Variants in MXRA5 observed in about 807,000 individuals in gnomAD.
MXRA5 encodes the protein matrix-remodeling-associated protein 5.
In MXRA5, 41 loss-of-function variants were observed where a neutral mutation model predicts 112.5. The observed-to-expected ratio is 0.36, with a 90% CI of 0.28 to 0.47. The LOEUF is 0.47. Among genes scored for constraint, MXRA5 ranks in the 20% least tolerant of loss-of-function variants. The pLI, the probability that MXRA5 is intolerant of heterozygous loss-of-function variation, is 0.99. For missense variants in MXRA5, 2,150 were observed against 2,251.0 expected (o/e 0.96, Z 0.91); for synonymous variants, 862 against 900.8 (o/e 0.96, Z 0.77).
At chrX:3,333,312 A>AAAAAAAAAAAAAAAAAAAAAAAAAT (rs1921712307) in intron 2 of MXRA5, among the ~76,000 whole-genome samples, 1 of 98,073 alleles carries the variant, frequency 1.0e-5, no homozygotes, top group African/African-American at 3.6e-5. Context: ...CAAAAAAAAA[A>AAAAAAAAAAAAAAAAAAAAAAAAAT]AAAAAAAAAA....
Position 3,321,635 on chromosome X carries a change from A to G in MXRA5, c.4050T>C (p.Asn1350=). The G allele has an allele frequency of 8.3e-7, 1 of 1,211,494 alleles. No homozygotes were observed. Among genetic ancestry groups the G allele is most frequent in the Non-Finnish European group, 1.1e-6 (1 of 895,263 alleles). The change falls in exon 5 of 7, where the codon AAT becomes AAC. Residue 1350 remains asparagine, a synonymous_variant. Transcript: ENST00000217939. ...DILVTGESIT[N]AIPTSRSLVS... ...CCAAGGAGCGAGAAGTTGGTATGGC[A>G]TTAGTAATTGATTCACCAGTGACTA...
intron 6 of MXRA5, among the ~76,000 whole-genome samples, chrX:3,316,012 T>TAACAAAATTTCATCC (rs1569181494): frequency 1.4e-4 from 12 of 82,890 alleles, no homozygotes; most frequent in East Asian, 7.6e-4. Context: ...GTTAAGAAGT[T>TAACAAAATTTCATCC]GAGTATTTGT....
rs1382368439 is a variant in MXRA5 at position 3,324,264 on chromosome X, C to T, written c.1421G>A (p.Arg474Lys). ...STKDTRQARG[R>K]SWVMIEPSGA... ...ACTAGGCTCAATCATTACCCAGCTT[C>T]TGCCCCGAGCCTGCCTTGTATCTTT... The change falls in exon 5 of 7, where the codon AGA becomes AAA. Residue 474 changes from arginine (R) to lysine (K), a missense_variant. By Grantham distance (26) the Arg-to-Lys change is conservative. Transcript: ENST00000217939. The T allele has an allele frequency of 8.3e-7, 1 of 1,209,998 alleles. No homozygotes were observed. Among genetic ancestry groups the T allele is most frequent in the Admixed American group, 2.2e-5 (1 of 45,716 alleles).
At position 3,322,041 on chromosome X, in the gene MXRA5, T is replaced by G; in HGVS notation, c.3644A>C (p.Gln1215Pro). 8.3e-7 allele frequency: 1 copy of G among 1,211,284 alleles called. No individual in the cohort carries two copies. Among genetic ancestry groups the G allele is most frequent in the African/African-American group, 1.7e-5 (1 of 57,703 alleles). Residue 1215 changes from glutamine (Q) to proline (P), a missense_variant, in exon 5 of 7, where the codon CAG becomes CCG. Gln to Pro is a moderately conservative substitution (Grantham distance 76). This residue lies in a region of MXRA5 where 1,485 missense variants were observed against 1,471.6 expected (regional missense o/e 1.01). Coordinates refer to ENST00000217939, the MANE Select transcript of MXRA5 (RefSeq NM_015419.4). The stretch of plus-strand genomic sequence containing the variant: ...TTCTGCATTCTTCTCCATTTCCAAC[T>G]GTTTGGGGGTATTAACTGTGTTATC... Reference protein sequence around the residue: ...WVDNTVNTPKQLEMEKNAEPT... With the variant: ...WVDNTVNTPKPLEMEKNAEPT...
In MXRA5 at chrX:3,311,461, T is replaced by C; in HGVS notation, c.6742A>G (p.Lys2248Glu). The change falls in exon 7 of 7, where the codon AAG becomes GAG. Residue 2248 changes from lysine to glutamate, a missense_variant. Physicochemically the swap from Lys to Glu is moderately conservative, Grantham distance 56. Transcript: ENST00000217939. ...AAGACTTTGTGGTCGTTCTCCTCCT[T>C]GTGTTCAATCTTGGCCGGTTTCATC... is the stretch of plus-strand genomic sequence containing the variant. ...VVMKPAKIEHKEENDHKVFYG... is the reference protein window; with the variant it reads ...VVMKPAKIEHEEENDHKVFYG... 3.3e-6 allele frequency: 4 copies of C among 1,211,751 alleles called. No individual in the cohort carries two copies. The highest frequency in any genetic ancestry group is 4.5e-6 in the Non-Finnish European group (4 of 895,573).
chrX:3,319,924 T>C, intron 5 of MXRA5, 84 bp downstream of exon 5: 2 of 728,023 alleles, frequency 2.7e-6, no homozygotes, highest in Non-Finnish European at 4.0e-6. Context: ...TTGTTCACCA[T>C]ATACTGTTTT....
chrX:3,321,126 T>A lies in MXRA5; in HGVS notation c.4559A>T (p.Gln1520Leu), dbSNP rs1003763493. The A allele has an allele frequency of 8.3e-7, 1 of 1,202,368 alleles. No individual in the cohort carries two copies. The highest frequency in any genetic ancestry group is 1.1e-6 in the Non-Finnish European group (1 of 887,180). ...KPALPSPRIS[Q>L]ASRDSKENVF... ...ATTTTCCTTGGAATCTCTAGATGCTTGAGATATTCTTGGACTGGGAAGTGC... is the reference window on the plus strand; with the variant it reads ...ATTTTCCTTGGAATCTCTAGATGCTAGAGATATTCTTGGACTGGGAAGTGC... The change falls in exon 5 of 7, where the codon CAA becomes CTA. Residue 1520 changes from glutamine to leucine, a missense_variant. By Grantham distance (113) the Gln-to-Leu change is moderately radical. Coordinates refer to ENST00000217939, the MANE Select transcript of MXRA5 (RefSeq NM_015419.4).
chrX:3,341,255 A>G (rs1340922573), intron 2 of MXRA5, among the ~76,000 whole-genome samples: 1 of 47,360 alleles, frequency 2.1e-5, no homozygotes, highest in Non-Finnish European at 3.5e-5. Flanking sequence ...TATATATAAT[A>G]TATAATAGAA....
At chrX:3,315,315 AGAT>A (rs1159504453) in intron 6 of MXRA5, among the ~76,000 whole-genome samples, 2 of 105,143 alleles carry the variant, frequency 1.9e-5, no homozygotes, top group Admixed American at 1.0e-4. Flanking sequence ...AAAGACAGAC[AGAT>A]GATAGATAGA....
At chrX:3,338,555 T>C (rs1289907872) in intron 2 of MXRA5, among the ~76,000 whole-genome samples, 2 of 110,946 alleles carry the variant, frequency 1.8e-5, no homozygotes, top group African/African-American at 6.6e-5. Flanking sequence ...TAGAGATAGA[T>C]TGATTGATAG....
chrX:3,319,765 G>C (rs1452875613), intron 5 of MXRA5, among the ~76,000 whole-genome samples: 42 of 111,278 alleles, frequency 3.8e-4, no homozygotes, highest in African/African-American at 1.3e-3. Context: ...CCAGACCTCA[G>C]CATCACACAA....
chrX:3,325,121 T>C, intron 4 of MXRA5, 146 bp from the exon 5 acceptor site: 1 of 671,461 alleles, frequency 1.5e-6, no homozygotes, highest in Non-Finnish European at 2.0e-6. Context: ...GAGTTGCCTT[T>C]GAGGCTTCAT....
chrX:3,320,940 C>T lies in MXRA5; in HGVS notation c.4745G>A (p.Gly1582Asp), dbSNP rs868565834. The T allele has an allele frequency of 1.7e-6, 2 of 1,211,796 alleles. No homozygotes were observed. Among genetic ancestry groups the T allele is most frequent in the Non-Finnish European group, 2.2e-6 (2 of 895,540 alleles). ...TKLELEKQVF[G>D]SRSLPRGPDS... ...TGGGCCACGTGGTAGACTCCTACTACCAAATACTTGCTTTTCCAATTCCAG... is the reference window on the plus strand; with the variant it reads ...TGGGCCACGTGGTAGACTCCTACTATCAAATACTTGCTTTTCCAATTCCAG... Residue 1582 changes from glycine to aspartate, a missense_variant, in exon 5 of 7, where the codon GGT (glycine) becomes GAT (aspartate). Gly to Asp is a moderately conservative substitution (Grantham distance 94). This residue lies in a region of MXRA5 where 1,485 missense variants were observed against 1,471.6 expected (regional missense o/e 1.01). Transcript: ENST00000217939.
chrX:3,331,452 T>C (rs1440162653), intron 2 of MXRA5, among the ~76,000 whole-genome samples: 1 of 111,817 alleles, frequency 8.9e-6, no homozygotes, highest in African/African-American at 3.3e-5. Flanking sequence ...GGAAACTCTG[T>C]GCTGAAGTGA....
In MXRA5 at chrX:3,322,279, C is replaced by G; in HGVS notation, c.3406G>C (p.Val1136Leu). ...TTATTTPRQK[V>L]APSSTMSTHP... The stretch of plus-strand genomic sequence containing the variant: ...GTGCTCATGGTGGATGACGGAGCAA[C>G]TTTTTGCCTTGGTGTTGTTGTTGCT... The change falls in exon 5 of 7, where the codon GTT (valine) becomes CTT (leucine). Residue 1136 changes from valine (V) to leucine (L), a missense_variant. Around this residue, in one of 6 missense-constraint regions of MXRA5, gnomAD observed 1,485 missense variants for 1,471.6 expected, o/e 1.01. Coordinates refer to ENST00000217939, the MANE Select transcript of MXRA5 (RefSeq NM_015419.4). The G allele has an allele frequency of 8.3e-7, 1 of 1,206,736 alleles. No individual in the cohort carries two copies. Among genetic ancestry groups the G allele is most frequent in the Non-Finnish European group, 1.1e-6 (1 of 892,403 alleles).
At position 3,321,327 on chromosome X, in the gene MXRA5, C is replaced by T. The variant is rs2146921356; in HGVS notation, c.4358G>A (p.Ser1453Asn). 2 of 1,211,632 alleles carry T rather than the reference C, an allele frequency of 1.7e-6. No individual in the cohort carries two copies. Among genetic ancestry groups the T allele is most frequent in the East Asian group, 3.0e-5 (1 of 33,831 alleles). ...LSSIKVEVAS[S>N]QAETTTLDQD... ...ATCAAGGGTGGTGGTTTCTGCCTGA[C>T]TTGAAGCCACCTCCACTTTTATGCT... Residue 1453 changes from serine to asparagine, a missense_variant, in exon 5 of 7, where the codon AGT (serine) becomes AAT (asparagine). Ser to Asn is a conservative substitution (Grantham distance 46, BLOSUM62 1). Transcript: ENST00000217939.
In MXRA5 at chrX:3,318,014, T is replaced by G. The variant is rs1354403123; in HGVS notation, c.5678-11A>C. 36 of 1,174,299 alleles carry G rather than the reference T, an allele frequency of 3.1e-5. No individual in the cohort carries two copies. The highest frequency in any genetic ancestry group is 4.0e-5 in the Non-Finnish European group (35 of 874,087). ...GAGTCATAAGAGCTCCTGGAGAAAA[T>G]TAACACAGTCAGCTTTGGCATAAAC... On this transcript the variant is annotated splice_polypyrimidine_tract_variant and intron_variant, in intron 5 of 6. Transcript: ENST00000217939.
chrX:3,336,074 C>A (rs1226517205), intron 2 of MXRA5, among the ~76,000 whole-genome samples: 1 of 112,052 alleles, frequency 8.9e-6, no homozygotes, highest in Non-Finnish European at 1.9e-5. Flanking sequence ...AGCTCCACTT[C>A]CTGTCAGATG....
chrX:3,335,933 C>G (rs1045599419), intron 2 of MXRA5, among the ~76,000 whole-genome samples: 1 of 112,245 alleles, frequency 8.9e-6, no homozygotes, highest in Non-Finnish European at 1.9e-5. Context: ...CAGTGGTCCT[C>G]AAACCCCAGG....
Sources: gnomAD v4.1 joint callset for allele counts (sites outside exome capture counted in the v4.1 genomes callset) on GRCh38, gnomAD v4.1.1 for gene constraint, gnomAD v4.1.1 regional missense constraint, MANE v1.5 for transcripts, NCBI Gene and HGNC (gene_info 2026-07-23, HGNC 2026-07-21) for gene names.